The following TOP2B variants were observed in gnomAD, a reference collection of about 807,000 sequenced individuals.
TOP2B encodes DNA topoisomerase II beta.
In TOP2B, 51 loss-of-function variants were observed where a neutral mutation model predicts 193.5. The ratio of observed to expected loss-of-function variants is 0.26; its 90% CI spans 0.21 to 0.33. TOP2B has a LOEUF of 0.33. Among genes scored for constraint, TOP2B ranks in the 10% least tolerant of loss-of-function variants. The pLI is 1.00. For synonymous variants in TOP2B, 634 were observed against 635.7 expected (o/e 1.00, Z 0.04); for missense variants, 1,378 against 1,909.3 (o/e 0.72, Z 5.19).
chr3:25,615,883 A>C (rs1200796000), intron 25 of TOP2B: 3 of 208,448 alleles, frequency 1.4e-5, no homozygotes, highest in African/African-American at 2.3e-5. Flanking sequence ...AAATGAGAGG[A>C]TACCACATTT....
intron 35 of TOP2B, 88 bp downstream of exon 35, chr3:25,599,347 C>G (rs1218883003): frequency 8.1e-7 from 1 of 1,237,116 alleles, no homozygotes; most frequent in Non-Finnish European, 1.1e-6. Flanking sequence ...GAAAGCTGTT[C>G]CAGGACTATA....
In TOP2B at chr3:25,645,469, G is replaced by A. The variant is rs1703390015; in HGVS notation, c.71C>T (p.Thr24Ile). 6.3e-7 allele frequency: 1 copy of A among 1,596,866 alleles called. No individual in the cohort carries two copies. The highest frequency in any genetic ancestry group is 1.3e-5 in the African/African-American group (1 of 74,216). The stretch of plus-strand genomic sequence containing the variant: ...TGCAGCATTGTTCTGATCAAAAAGA[G>A]TCTAAAATTAACCAAAAAATCAAAT... Reference protein sequence around the residue: ...GGGNGALTWVTLFDQNNAAKK... With the variant: ...GGGNGALTWVILFDQNNAAKK... The change falls in exon 2 of 36, where the codon ACT becomes ATT. Residue 24 changes from threonine (T) to isoleucine (I), a missense_variant and splice_region_variant. This residue lies in a region of TOP2B where 83 missense variants were observed against 59.3 expected (regional missense o/e 1.40). Transcript: ENST00000264331.
chr3:25,604,906 G>C, intron 32 of TOP2B, 36 bp from the exon 33 acceptor site: 4 of 1,454,246 alleles, frequency 2.8e-6, no homozygotes, highest in Non-Finnish European at 3.8e-6. Context: ...GTAAAGAGAT[G>C]TTATAAAGAT....
chr3:25,606,133 G>C lies in TOP2B; in HGVS notation c.4299-11C>G. The C allele has an allele frequency of 7.5e-7, 1 of 1,336,846 alleles. No individual in the cohort carries two copies. The highest frequency in any genetic ancestry group is 1.0e-6 in the Non-Finnish European group (1 of 970,056). 82.8% of individuals were successfully genotyped at this position (1,336,846 alleles called of 1,614,324 possible). A position where few individuals can be genotyped will look rare whatever the true frequency, so the allele number is the denominator to read the frequency against. ...TCATGCAAAGATTTTCTATTAGAAAGAAAATAAACACCACAGAGGATACAA... is the reference window on the plus strand; with the variant it reads ...TCATGCAAAGATTTTCTATTAGAAACAAAATAAACACCACAGAGGATACAA... On this transcript the variant is annotated splice_polypyrimidine_tract_variant and intron_variant, in intron 31 of 35. Transcript: ENST00000264331.
intron 21 of TOP2B, among the ~76,000 whole-genome samples, chr3:25,621,792 C>A (rs1001093682): frequency 6.6e-6 from 1 of 151,962 alleles, no homozygotes; most frequent in Non-Finnish European, 1.5e-5. Context: ...AGTTCGAGAC[C>A]AGCCTGGCCA....
chr3:25,604,066 T>C (rs1349395048), intron 33 of TOP2B, among the ~76,000 whole-genome samples: 1 of 152,236 alleles, frequency 6.6e-6, no homozygotes, highest in Non-Finnish European at 1.5e-5. Context: ...AGCAGGACTT[T>C]TCAAAATTGT....
chr3:25,620,635 C>A, intron 22 of TOP2B, 47 bp downstream of exon 22: 1 of 1,572,428 alleles, frequency 6.4e-7, no homozygotes, highest in Non-Finnish European at 8.6e-7. Flanking sequence ...GAAAAAATTG[C>A]TTAATACACT....
At chr3:25,644,063 TA>T (rs1703342751) in intron 2 of TOP2B, among the ~76,000 whole-genome samples, 1 of 151,062 alleles carries the variant, frequency 6.6e-6, no homozygotes, top group African/African-American at 2.4e-5. Flanking sequence ...GTTGAAAAAA[TA>T]AAAACATTAC....
intron 1 of TOP2B, among the ~76,000 whole-genome samples, chr3:25,660,290 CTTTG>C (rs1475807853): frequency 2.0e-5 from 3 of 152,158 alleles, no homozygotes; most frequent in Non-Finnish European, 4.4e-5. Flanking sequence ...GTATCCAGTT[CTTTG>C]TTTAACACTC....
intron 10 of TOP2B, 48 bp downstream of exon 10, chr3:25,632,398 T>G (rs555230543): frequency 1.2e-5 from 17 of 1,443,614 alleles, no homozygotes; most frequent in South Asian, 1.3e-5. Flanking sequence ...GAAAACTACC[T>G]AATCAACTCT....
intron 13 of TOP2B, among the ~76,000 whole-genome samples, chr3:25,629,689 C>T (rs1407681514): frequency 6.6e-6 from 1 of 152,052 alleles, no homozygotes; most frequent in Non-Finnish European, 1.5e-5. Context: ...TATTTAAGTC[C>T]TGGTATTTGT....
chr3:25,643,648 G>A, intron 3 of TOP2B, 46 bp downstream of exon 3: 1 of 1,387,994 alleles, frequency 7.2e-7, no homozygotes, highest in African/African-American at 1.4e-5. Flanking sequence ...AGGACACTAT[G>A]ATGATATTAA....
In TOP2B at chr3:25,624,397, T is replaced by C; in HGVS notation, c.2395A>G (p.Ser799Gly). 1 of 1,613,924 alleles carries C rather than the reference T, an allele frequency of 6.2e-7. No homozygotes were observed. The highest frequency in any genetic ancestry group is 8.5e-7 in the Non-Finnish European group (1 of 1,179,846). Reference sequence around the variant, plus strand: ...GGCTGAAGCAAGTTAATGTTGTTACTTCCCACAAAGTTCTGAGCCAAATTC... The same window carrying C: ...GGCTGAAGCAAGTTAATGTTGTTACCTCCCACAAAGTTCTGAGCCAAATTC... Reference protein sequence around the residue: ...IVNLAQNFVGSNNINLLQPIG... With the variant: ...IVNLAQNFVGGNNINLLQPIG... The change falls in exon 20 of 36, where the codon AGT becomes GGT. Residue 799 changes from serine (S) to glycine (G), a missense_variant. Ser to Gly is a moderately conservative substitution (Grantham distance 56). Transcript: ENST00000264331.
At chr3:25,614,466 A>C (rs1702455666) in intron 27 of TOP2B, among the ~76,000 whole-genome samples, 1 of 152,124 alleles carries the variant, frequency 6.6e-6, no homozygotes. Flanking sequence ...GCAGCACTTG[A>C]AAGATCGTTG....
At chr3:25,600,229 C>T (rs2125339835) in intron 34 of TOP2B, among the ~76,000 whole-genome samples, 1 of 152,198 alleles carries the variant, frequency 6.6e-6, no homozygotes, top group Non-Finnish European at 1.5e-5. Flanking sequence ...TGTTCTCCAT[C>T]CCACAATGAT....
chr3:25,639,456 C>T (rs1406726714), intron 4 of TOP2B, among the ~76,000 whole-genome samples: 2 of 152,100 alleles, frequency 1.3e-5, no homozygotes, highest in African/African-American at 4.8e-5. Flanking sequence ...TACAGAAGCA[C>T]GCCACCACGA....
Position 25,638,234 on chromosome 3 carries a change from C to T in TOP2B, c.472G>A (p.Val158Ile), listed in dbSNP as rs1344977549. The T allele has an allele frequency of 7.2e-7, 1 of 1,395,906 alleles. No individual in the cohort carries two copies. The highest frequency in any genetic ancestry group is 1.2e-5 in the South Asian group (1 of 81,908). 86.5% of individuals were successfully genotyped at this position (1,395,906 alleles called of 1,614,324 possible). The change falls in exon 5 of 36, where the codon GTT (valine) becomes ATT (isoleucine). Residue 158 changes from valine (V) to isoleucine (I), a missense_variant. Physicochemically the swap from Val to Ile is conservative, Grantham distance 29 (BLOSUM62 3). Transcript: ENST00000264331. ...VVEHKVEKVY[V>I]PALIFGQLLT... The stretch of plus-strand genomic sequence containing the variant: ...AGCTGTCCAAAAATTAAAGCAGGAA[C>T]ATAAACTTTCTCTACCTTGTGTTCT...
chr3:25,633,090 T>C (rs1703006460), intron 8 of TOP2B, among the ~76,000 whole-genome samples: 1 of 152,100 alleles, frequency 6.6e-6, no homozygotes, highest in African/African-American at 2.4e-5. Context: ...TTCAACAATG[T>C]AATTCAATTT....
intron 1 of TOP2B, among the ~76,000 whole-genome samples, chr3:25,650,674 T>C (rs116315625): frequency 0.013 from 2,051 of 152,376 alleles, 49 homozygotes; most frequent in African/African-American, 0.045. Flanking sequence ...TTGTTTCTGC[T>C]ATTAATCATT....
Sources: gnomAD v4.1 joint callset for allele counts (sites outside exome capture counted in the v4.1 genomes callset) on GRCh38, gnomAD v4.1.1 for gene constraint, gnomAD v4.1.1 regional missense constraint, MANE v1.5 for transcripts, NCBI Gene and HGNC (gene_info 2026-07-23, HGNC 2026-07-21) for gene names.